The following CHN2 variants were observed in gnomAD, a reference collection of about 807,000 sequenced individuals.
CHN2 encodes chimerin 2, also known as beta-chimaerin.
Under a neutral mutation model 56.3 loss-of-function variants are expected in CHN2, and 35 were observed. The ratio of observed to expected loss-of-function variants is 0.62; its 90% CI spans 0.47 to 0.82. The LOEUF is 0.82. Among genes scored for constraint, CHN2 ranks in the 40% least tolerant of loss-of-function variants. The probability of loss-of-function intolerance (pLI) is 0.00; values close to 1 mark genes in which losing one functional copy is unlikely to be tolerated. For missense variants in CHN2, 491 were observed against 580.5 expected, an observed-to-expected ratio of 0.85 and a Z score of 1.58; for synonymous variants, 210 against 212.8, an observed-to-expected ratio of 0.99 and a Z score of 0.12.
At chr7:29,246,218 C>T (rs1788063716) in intron 1 of CHN2, among the ~76,000 whole-genome samples, 2 of 152,154 alleles carry the variant, frequency 1.3e-5, no homozygotes, top group African/African-American at 4.8e-5. Flanking sequence ...TTTATGCTGC[C>T]TGGAGAGAAT....
upstream of CHN2, among the ~76,000 whole-genome samples, chr7:29,190,812 G>A (rs1053017187): frequency 6.6e-6 from 1 of 152,146 alleles, no homozygotes; most frequent in Non-Finnish European, 1.5e-5. Context: ...ATTTACAGAT[G>A]TCCTTAATTT....
intron 6 of CHN2, among the ~76,000 whole-genome samples, chr7:29,440,390 CAATT>C (rs1346654358): frequency 1.3e-5 from 2 of 151,930 alleles, no homozygotes; most frequent in Non-Finnish European, 2.9e-5. Context: ...CACTATACAA[CAATT>C]AAAGAGTGCA....
rs770873532 is a variant in CHN2, at chr7:29,461,580, G to A, written c.577-18699G>A. 2.8e-4 allele frequency among the ~76,000 whole-genome samples: 43 copies of A among 151,398 alleles called. 1 individual carries two copies. Among genetic ancestry groups the A allele is most frequent in the Admixed American group, 2.0e-4 (3 of 15,174 alleles). On this transcript the variant is annotated intron_variant, in intron 6 of 12. Transcript: ENST00000222792. ...CTAAAAAATAGGCCTAGAGGAAGGG[G>A]CCTTCATGTTTCATGTGTGAAGCAC...
At chr7:29,265,742 T>G (rs1790088516) in intron 1 of CHN2, among the ~76,000 whole-genome samples, 1 of 152,120 alleles carries the variant, frequency 6.6e-6, no homozygotes, top group African/African-American at 2.4e-5. Context: ...TGGGCCTGGT[T>G]GGTGAGTGAC....
chr7:29,188,868 G>T (rs1410610887), intron 2 of CHN2, among the ~76,000 whole-genome samples: 2 of 151,328 alleles, frequency 1.3e-5, no homozygotes, highest in Non-Finnish European at 2.9e-5. Context: ...ATTTGTCCCA[G>T]TTGAAATGTA....
chr7:29,331,774 A>G (rs1442180994), intron 1 of CHN2, among the ~76,000 whole-genome samples: 1 of 152,118 alleles, frequency 6.6e-6, no homozygotes, highest in South Asian at 2.1e-4. Flanking sequence ...AAGAAATACA[A>G]TTTGGGGCCA....
At chr7:29,282,581 A>G (rs181703638) in intron 1 of CHN2, among the ~76,000 whole-genome samples, 1 of 152,254 alleles carries the variant, frequency 6.6e-6, no homozygotes, top group Non-Finnish European at 1.5e-5. Flanking sequence ...GGATTTTTCT[A>G]TTAAAAGCAA....
intron 6 of CHN2, among the ~76,000 whole-genome samples, chr7:29,421,140 T>C (rs1161997335): frequency 1.3e-5 from 2 of 152,156 alleles, no homozygotes; most frequent in Non-Finnish European, 2.9e-5. Flanking sequence ...AAACTCAATC[T>C]AGAGAAGCAG....
At chr7:29,216,798 G>A (rs1295242136) in intron 1 of CHN2, among the ~76,000 whole-genome samples, 4 of 152,226 alleles carry the variant, frequency 2.6e-5, no homozygotes, top group African/African-American at 9.6e-5. Flanking sequence ...GAATCAGAAC[G>A]AAGGGGAAAT....
intron 1 of CHN2, among the ~76,000 whole-genome samples, chr7:29,266,791 T>G (rs1350635695): frequency 6.6e-6 from 1 of 152,166 alleles, no homozygotes; most frequent in Non-Finnish European, 1.5e-5. Context: ...CTGCCTGCCT[T>G]TCTCCTTGCT....
At chr7:29,338,432 C>T (rs999920321) in intron 1 of CHN2, among the ~76,000 whole-genome samples, 3 of 152,104 alleles carry the variant, frequency 2.0e-5, no homozygotes, top group African/African-American at 4.8e-5. Context: ...TTTTCAGATC[C>T]GGACAATGCT....
At chr7:29,232,163 A>G (rs1786764932) in intron 1 of CHN2, among the ~76,000 whole-genome samples, 1 of 152,178 alleles carries the variant, frequency 6.6e-6, no homozygotes, top group Non-Finnish European at 1.5e-5. Context: ...TAAACCTAGG[A>G]CGTTTTATGA....
chr7:29,503,778 G>T (rs559409263), intron 9 of CHN2, among the ~76,000 whole-genome samples: 1 of 152,298 alleles, frequency 6.6e-6, no homozygotes, highest in East Asian at 1.9e-4. Context: ...CAAGAGTTTG[G>T]CAGAATATAT....
chr7:29,510,284 G>T (rs1183566843), intron 12 of CHN2, among the ~76,000 whole-genome samples: 2 of 152,210 alleles, frequency 1.3e-5, no homozygotes, highest in South Asian at 2.1e-4. Flanking sequence ...CTGTAATGAG[G>T]CTGCAGTCTT....
chr7:29,468,979 G>A (rs80228879), intron 6 of CHN2, among the ~76,000 whole-genome samples: 3,459 of 152,178 alleles, frequency 0.023, 127 homozygotes, highest in African/African-American at 0.076. Flanking sequence ...GGAACCTCAG[G>A]CTTGTAAGTC....
At chr7:29,426,690 C>G (rs1804891225) in intron 6 of CHN2, among the ~76,000 whole-genome samples, 1 of 152,230 alleles carries the variant, frequency 6.6e-6, no homozygotes, top group African/African-American at 2.4e-5. Flanking sequence ...GTCCAGCAGA[C>G]TCAGCCAGGT....
chr7:29,492,830 AG>A (rs1309449020), intron 7 of CHN2, among the ~76,000 whole-genome samples: 1 of 152,176 alleles, frequency 6.6e-6, no homozygotes, highest in Non-Finnish European at 1.5e-5. Context: ...GTCAATATTT[AG>A]TACTTATTTC....
intron 2 of CHN2, chr7:29,147,091 G>A: frequency 1.6e-6 from 2 of 1,280,320 alleles, no homozygotes; most frequent in East Asian, 5.1e-5. Flanking sequence ...ACTAAGTGAG[G>A]TTAAGTAACC....
intron 3 of CHN2, among the ~76,000 whole-genome samples, chr7:29,378,222 T>C (rs1038681982): frequency 2.0e-5 from 3 of 152,244 alleles, no homozygotes; most frequent in Admixed American, 6.5e-5. Context: ...CCTCAGTTCA[T>C]TGTGATTTCT....
Sources: allele counts gnomAD v4.1 joint callset (sites outside exome capture counted in the v4.1 genomes callset), GRCh38; gene constraint gnomAD v4.1.1; transcripts MANE v1.5; gene names NCBI Gene and HGNC (gene_info 2026-07-23, HGNC 2026-07-21).